The following PSG9 variants were observed in gnomAD, a reference collection of about 807,000 sequenced individuals.
The protein encoded by PSG9 is pregnancy-specific beta-1-glycoprotein 9.
PSG9 carries 49 observed loss-of-function variants against 41.9 expected under a neutral mutation model. The observed-to-expected ratio is 1.17, with a 90% CI of 0.93 to 1.48. The LOEUF (loss-of-function observed/expected upper bound fraction) is 1.48, where lower values mean the gene tolerates loss of function less well. Ranked by LOEUF, PSG9 falls within the 40% of genes most tolerant of loss-of-function variation. The pLI is 0.00. For missense variants in PSG9, 641 were observed against 520.3 expected (o/e 1.23, Z -2.26); for synonymous variants, 263 against 196.8 (o/e 1.34, Z -2.82).
intron 3 of PSG9, chr19:43,260,670 G>C (rs1054222482): frequency 1.3e-5 from 2 of 150,862 alleles, no homozygotes; most frequent in Non-Finnish European, 2.9e-5. Flanking sequence ...CTCAGTGTTT[G>C]TGTTGTGGCA....
chr19:43,266,906 G>A (rs1968995582), intron 2 of PSG9, among the ~76,000 whole-genome samples: 2 of 152,104 alleles, frequency 1.3e-5, no homozygotes, highest in Admixed American at 6.5e-5. Context: ...AATGGCAAAT[G>A]GACTGTGGCT....
chr19:43,266,809 A>T (rs1282821138), intron 2 of PSG9, among the ~76,000 whole-genome samples: 1 of 151,942 alleles, frequency 6.6e-6, no homozygotes, highest in Admixed American at 6.6e-5. Flanking sequence ...ACCTCATGTG[A>T]CCCTGATCTC....
At chr19:43,267,466 C>T (rs1199520485) in intron 2 of PSG9, among the ~76,000 whole-genome samples, 1 of 152,120 alleles carries the variant, frequency 6.6e-6, no homozygotes, top group Admixed American at 6.5e-5. Flanking sequence ...CTACTCAGTT[C>T]TCCAGGGTCT....
At chr19:43,260,289 T>A (rs918590855) in intron 3 of PSG9, 3 of 147,072 alleles carry the variant, frequency 2.0e-5, no homozygotes, top group Middle Eastern at 3.4e-3. Flanking sequence ...TCACACAGAT[T>A]GAGTATTTCT....
At position 43,269,326 on chromosome 19, in the gene PSG9, C is replaced by T. The variant is rs151046158; in HGVS notation, c.64+42G>A. ...TCCAGGAGACCCCATCCAGTCACTCCGCTTCCTCCCCCTGTCCTCTCCCAG... is the reference window on the plus strand; with the variant it reads ...TCCAGGAGACCCCATCCAGTCACTCTGCTTCCTCCCCCTGTCCTCTCCCAG... On this transcript the variant is annotated intron_variant, in intron 1 of 5. Coordinates refer to ENST00000270077, the MANE Select transcript of PSG9 (RefSeq NM_002784.5). The T allele has an allele frequency of 1.2e-3, 1,922 of 1,612,766 alleles. 18 individuals are homozygous for T. The highest frequency in any genetic ancestry group is 0.012 in the African/African-American group (882 of 74,956).
chr19:43,254,924 C>T (rs974719530), intron 5 of PSG9, among the ~76,000 whole-genome samples: 2 of 114,486 alleles, frequency 1.7e-5, no homozygotes, highest in African/African-American at 7.3e-5. Context: ...GCTGTCTCTA[C>T]AAAAAAATAA....
chr19:43,265,930 T>C (rs1395934504), intron 2 of PSG9, among the ~76,000 whole-genome samples: 1 of 152,082 alleles, frequency 6.6e-6, no homozygotes, highest in Non-Finnish European at 1.5e-5. Context: ...TCTGTGCCTT[T>C]CCTATTTCCT....
chr19:43,257,888 CGA>C (rs1968506134), intron 5 of PSG9: 2 of 1,392,630 alleles, frequency 1.4e-6, no homozygotes, highest in Non-Finnish European at 1.9e-6. Context: ...TCGGTGACAG[CGA>C]GAAGCAACTT....
In PSG9 at chr19:43,259,907, A is replaced by T. The variant is rs897153128; in HGVS notation, c.710-772T>A. ...TTTCCTCTCCTTCTGCAGAGGGCAGAGGAGGACCATGTGGATCTTTCCAGA... is the reference window on the plus strand; with the variant it reads ...TTTCCTCTCCTTCTGCAGAGGGCAGTGGAGGACCATGTGGATCTTTCCAGA... On this transcript the variant is annotated intron_variant, in intron 3 of 5. Transcript: ENST00000270077. 1.4e-5 allele frequency: 2 copies of T among 147,166 alleles called. 1 individual carries two copies. The highest frequency in any genetic ancestry group is 1.3e-4 in the Admixed American group (2 of 14,830). 9.1% of individuals were successfully genotyped at this position (147,166 alleles called of 1,614,324 possible).
rs1288304074 is a variant in PSG9, at chr19:43,262,101, T to G, written c.468A>C (p.Leu156Phe). ...TPKPYISSSN[L>F]NPREAMEAVR... Reference sequence around the variant, plus strand: ...CAGCCTCCATGGCCTCCCTGGGGTTTAAGTTGCTGCTGGAGATGTAGGGCT... The same window carrying G: ...CAGCCTCCATGGCCTCCCTGGGGTTGAAGTTGCTGCTGGAGATGTAGGGCT... Residue 156 changes from leucine (L) to phenylalanine (F), a missense_variant, in exon 3 of 6, where the codon TTA (leucine) becomes TTC (phenylalanine). By Grantham distance (22) the Leu-to-Phe change is conservative. Transcript: ENST00000270077. The G allele has an allele frequency of 5.6e-6, 9 of 1,613,806 alleles. No homozygotes were observed. The African/African-American group carries it at 9.3e-5, about 17-fold the overall frequency.
chr19:43,260,076 T>C (rs1264600669), intron 3 of PSG9: 3 of 146,608 alleles, frequency 2.0e-5, no homozygotes, highest in East Asian at 2.4e-4. Flanking sequence ...TTTTCTTTCA[T>C]TGGACATTCT....
rs1331895766 is a variant in PSG9 at position 43,255,427 on chromosome 19, G to T, written c.1244-1781C>A. 1.0e-4 allele frequency among the ~76,000 whole-genome samples: 15 copies of T among 145,970 alleles called. 4 individuals are homozygous for T. Among genetic ancestry groups the T allele is most frequent in the African/African-American group, 2.1e-4 (8 of 38,380 alleles). ...CATACTCAATGGAGAAAGACTGAAA[G>T]CTTTCCCTGTATGAGCAGTAACAAG... On this transcript the variant is annotated intron_variant, in intron 5 of 5. Coordinates refer to ENST00000270077, the MANE Select transcript of PSG9 (RefSeq NM_002784.5).
In PSG9 at chr19:43,264,166, T is replaced by G. The variant is rs148449707; in HGVS notation, c.431-2028A>C. Among the ~76,000 whole-genome samples, 808 of 152,120 alleles carry G rather than the reference T, an allele frequency of 5.3e-3. 32 individuals are homozygous for G. In the East Asian group the frequency reaches 0.099, roughly 19 times the overall value. The stretch of plus-strand genomic sequence containing the variant: ...ACACAGGCAGTAAAACCATTAGATA[T>G]CACCCACCTGGCCACCTCCAACTGG... On this transcript the variant is annotated intron_variant, in intron 2 of 5. Transcript: ENST00000270077.
At position 43,258,466 on chromosome 19, in the gene PSG9, A is replaced by T. The variant is rs1464568078; in HGVS notation, c.989-10T>A. On this transcript the variant is annotated splice_polypyrimidine_tract_variant and intron_variant, in intron 4 of 5. Transcript: ENST00000270077. ...GGGAGGTCTGGACCATCTGGAGGAA[A>T]GAGAATAAAGCCACACGTGATGTCA... is the stretch of plus-strand genomic sequence containing the variant. 12 of 1,554,606 alleles carry T rather than the reference A, an allele frequency of 7.7e-6. 1 individual carries two copies. Among genetic ancestry groups the T allele is most frequent in the Non-Finnish European group, 9.5e-6 (11 of 1,158,164 alleles).
At position 43,258,573 on chromosome 19, in the gene PSG9, A is replaced by T. The variant is rs1212362450; in HGVS notation, c.989-117T>A. 2.5e-5 allele frequency: 36 copies of T among 1,417,504 alleles called. 1 individual carries two copies. The highest frequency in any genetic ancestry group is 3.0e-5 in the Non-Finnish European group (32 of 1,077,036). The allele number at this position is 1,417,504 out of a possible 1,614,324, so 87.8% of individuals were successfully genotyped here. A position where few individuals can be genotyped will look rare whatever the true frequency, so the allele number is the denominator to read the frequency against. On this transcript the variant is annotated intron_variant, in intron 4 of 5. Coordinates refer to ENST00000270077, the MANE Select transcript of PSG9 (RefSeq NM_002784.5). ...AAGACACACCCTCAAGTCCCAGCCA[A>T]AGTCCCTCTATGTTCACTGAGCTGA...
intron 3 of PSG9, among the ~76,000 whole-genome samples, chr19:43,261,198 C>T (rs527673713): frequency 6.6e-6 from 1 of 152,210 alleles, no homozygotes; most frequent in South Asian, 2.1e-4. Flanking sequence ...GCTCCAGGGA[C>T]CCACTTACCA....
chr19:43,255,339 C>T (rs1968409830), intron 5 of PSG9, among the ~76,000 whole-genome samples: 1 of 145,514 alleles, frequency 6.9e-6, no homozygotes, highest in African/African-American at 2.6e-5. Context: ...ATGAAAACAT[C>T]CTAAGAATGG....
At chr19:43,257,768 T>A in intron 5 of PSG9, 1 of 1,264,782 alleles carries the variant, frequency 7.9e-7, no homozygotes, top group Non-Finnish European at 9.9e-7. Context: ...CCCAAGGGGC[T>A]TCCTCCTCTC....
In PSG9 at chr19:43,268,132, A is replaced by G. The variant is rs1969069091; in HGVS notation, c.82T>C (p.Trp28Arg). The G allele has an allele frequency of 2.5e-6, 4 of 1,607,588 alleles. No homozygotes were observed. The African/African-American group carries it at 4.0e-5, about 16-fold the overall frequency. ...ACTTCGGCAGTGGTGGGCGGGTTCCAGAAGTTTAAAAGTGATGCTAGGAGG... is the reference window on the plus strand; with the variant it reads ...ACTTCGGCAGTGGTGGGCGGGTTCCGGAAGTTTAAAAGTGATGCTAGGAGG... ...LLLTASLLNF[W>R]NPPTTAEVTI... Residue 28 changes from tryptophan to arginine, a missense_variant, in exon 2 of 6, where the codon TGG becomes CGG. By Grantham distance (101) the Trp-to-Arg change is moderately radical (BLOSUM62 -3). Coordinates refer to ENST00000270077, the MANE Select transcript of PSG9 (RefSeq NM_002784.5).
Sources: allele counts gnomAD v4.1 joint callset (sites outside exome capture counted in the v4.1 genomes callset), GRCh38; gene constraint gnomAD v4.1.1; transcripts MANE v1.5; gene names NCBI Gene and HGNC (gene_info 2026-07-23, HGNC 2026-07-21).